The following PHEX variants were observed in gnomAD, a reference collection of about 807,000 sequenced individuals.
PHEX encodes the protein phosphate-regulating neutral endopeptidase PHEX.
Under a neutral mutation model 68.0 loss-of-function variants are expected in PHEX, and 16 were observed. The ratio of observed to expected loss-of-function variants is 0.24; its 90% CI spans 0.16 to 0.36. PHEX has a LOEUF of 0.36. Ranked by LOEUF, PHEX falls within the 10% of genes least tolerant of loss-of-function variation. The pLI is 1.00. For synonymous variants in PHEX, 208 were observed against 205.1 expected, an observed-to-expected ratio of 1.01 and a Z score of -0.12; for missense variants, 480 against 575.5, an observed-to-expected ratio of 0.83 and a Z score of 1.70.
intron 12 of PHEX, among the ~76,000 whole-genome samples, chrX:22,136,844 C>A (rs1483707754): frequency 9.0e-6 from 1 of 110,938 alleles, no homozygotes; most frequent in Non-Finnish European, 1.9e-5. Flanking sequence ...TCTCTGTCTC[C>A]CTGCCTTTTC....
intron 2 of PHEX, among the ~76,000 whole-genome samples, chrX:22,044,928 G>T (rs924191585): frequency 9.2e-6 from 1 of 108,626 alleles, no homozygotes; most frequent in African/African-American, 3.3e-5. Context: ...GAACTCCTAG[G>T]CTCAAGTGAT....
chrX:22,139,265 G>T (rs1932357206), intron 12 of PHEX, among the ~76,000 whole-genome samples: 1 of 111,428 alleles, frequency 9.0e-6, no homozygotes, highest in Non-Finnish European at 1.9e-5. Flanking sequence ...GGTCCAAACT[G>T]CTGTGCCTCT....
intron 20 of PHEX, among the ~76,000 whole-genome samples, chrX:22,237,672 A>C (rs1936028823): frequency 1.8e-5 from 2 of 112,330 alleles, no homozygotes; most frequent in Non-Finnish European, 3.8e-5. Flanking sequence ...TCAGGACTTC[A>C]GAAATCTGAC....
At chrX:22,071,616 A>G (rs185333008) in intron 3 of PHEX, among the ~76,000 whole-genome samples, 12 of 111,930 alleles carry the variant, frequency 1.1e-4, no homozygotes, top group Admixed American at 3.8e-4. Context: ...TTTTATACCA[A>G]AAGTATTTCT....
chrX:22,221,031 A>G (rs1000174265), intron 17 of PHEX, among the ~76,000 whole-genome samples: 6 of 111,942 alleles, frequency 5.4e-5, no homozygotes, highest in African/African-American at 2.0e-4. Context: ...TTTTAGAGCA[A>G]TCTTCCCTGT....
intron 15 of PHEX, among the ~76,000 whole-genome samples, chrX:22,194,427 A>C (rs1225533682): frequency 9.0e-6 from 1 of 111,478 alleles, no homozygotes; most frequent in East Asian, 2.8e-4. Flanking sequence ...CCCCCACCCT[A>C]CAACTGCCTT....
chrX:22,218,403 C>T (rs1447886442), intron 16 of PHEX, among the ~76,000 whole-genome samples: 1 of 111,093 alleles, frequency 9.0e-6, no homozygotes, highest in Non-Finnish European at 1.9e-5. Flanking sequence ...TTGTTGGTGT[C>T]CCCTTTTATA....
At chrX:22,218,684 G>A in intron 16 of PHEX, among the ~76,000 whole-genome samples, 1 of 111,602 alleles carries the variant, frequency 9.0e-6, no homozygotes, top group Non-Finnish European at 1.9e-5. Context: ...TTCAAGCCCT[G>A]TTCTAGGTGT....
At chrX:22,196,285 A>G (rs1331761600) in intron 15 of PHEX, among the ~76,000 whole-genome samples, 1 of 112,652 alleles carries the variant, frequency 8.9e-6, no homozygotes, top group East Asian at 2.8e-4. Context: ...AGCGTATAGT[A>G]TGCATGGACA....
intron 5 of PHEX, among the ~76,000 whole-genome samples, chrX:22,085,664 A>G (rs1929599743): frequency 9.0e-6 from 1 of 111,483 alleles, no homozygotes; most frequent in African/African-American, 3.3e-5. Flanking sequence ...GTCAGAAAAG[A>G]TAACTGATAT....
intron 13 of PHEX, among the ~76,000 whole-genome samples, 177 bp downstream of exon 13, chrX:22,168,566 C>A (rs767795111): frequency 5.0e-4 from 56 of 111,530 alleles, no homozygotes; most frequent in Non-Finnish European, 1.0e-3. Context: ...AGATTTAGGG[C>A]AGATTCAAAA....
intron 6 of PHEX, among the ~76,000 whole-genome samples, chrX:22,092,363 A>C (rs889697583): frequency 1.8e-5 from 2 of 111,711 alleles, no homozygotes; most frequent in African/African-American, 6.5e-5. Context: ...GTAGGTACTC[A>C]ATAAATATGT....
At chrX:22,227,472 T>C (rs1439671156) in intron 19 of PHEX, 35 bp from the exon 20 acceptor site, 2 of 995,856 alleles carry the variant, frequency 2.0e-6, no homozygotes, top group South Asian at 3.8e-5. Flanking sequence ...AAACCCACCG[T>C]TGCAGAGACT....
intron 3 of PHEX, among the ~76,000 whole-genome samples, chrX:22,053,000 A>G (rs1166852124): frequency 9.0e-6 from 1 of 111,613 alleles, no homozygotes; most frequent in African/African-American, 3.3e-5. Context: ...TACCCATATC[A>G]TAGGGATTTT....
chrX:22,234,370 C>G (rs1156667801), intron 20 of PHEX, among the ~76,000 whole-genome samples: 1 of 112,298 alleles, frequency 8.9e-6, no homozygotes, highest in African/African-American at 3.2e-5. Flanking sequence ...GTGCCCACAG[C>G]TGCCCCTTCC....
intron 12 of PHEX, among the ~76,000 whole-genome samples, chrX:22,144,594 T>C (rs905626575): frequency 1.8e-5 from 2 of 111,037 alleles, no homozygotes; most frequent in Non-Finnish European, 3.8e-5. Context: ...TTACTATAAA[T>C]ATTTCATTAT....
At chrX:22,059,178 G>A (rs763978177) in intron 3 of PHEX, among the ~76,000 whole-genome samples, 2 of 111,564 alleles carry the variant, frequency 1.8e-5, no homozygotes, top group African/African-American at 6.5e-5. Context: ...CTTCCCACAA[G>A]AGGGCTGTCA....
chrX:22,147,650 G>A (rs1202746012), intron 12 of PHEX, among the ~76,000 whole-genome samples: 1 of 110,802 alleles, frequency 9.0e-6, no homozygotes, highest in African/African-American at 3.3e-5. Context: ...TGGAGAAACA[G>A]CCTGATACCA....
chrX:22,172,028 T>C (rs1933551784), intron 13 of PHEX: 1 of 111,680 alleles, frequency 9.0e-6, no homozygotes, highest in Non-Finnish European at 1.9e-5. Context: ...TGAGATAGAA[T>C]TAAGAGGTAA....
Sources: allele counts gnomAD v4.1 joint callset (sites outside exome capture counted in the v4.1 genomes callset), GRCh38; gene constraint gnomAD v4.1.1; transcripts MANE v1.5; gene names NCBI Gene and HGNC (gene_info 2026-07-23, HGNC 2026-07-21).